Variants in ZBTB25 observed in about 807,000 individuals in gnomAD.
ZBTB25 encodes the protein zinc finger and BTB domain containing 25, also known as zinc finger and BTB domain-containing protein 25.
Under a neutral mutation model 34.2 loss-of-function variants are expected in ZBTB25, and 20 were observed. The ratio of observed to expected loss-of-function variants is 0.58; its 90% CI spans 0.41 to 0.85. ZBTB25 has a LOEUF of 0.85. ZBTB25 is among the 40% of genes least tolerant of loss of function. The pLI, the probability that ZBTB25 is intolerant of heterozygous loss-of-function variation, is 0.00. For synonymous variants in ZBTB25, 175 were observed against 186.4 expected (o/e 0.94, Z 0.50); for missense variants, 437 against 521.8 (o/e 0.84, Z 1.58).
intron 2 of ZBTB25, chr14:64,459,721 GCTTA>G: frequency 5.7e-6 from 6 of 1,059,736 alleles, no homozygotes; most frequent in Non-Finnish European, 7.8e-6. Flanking sequence ...TTCAGTGCTT[GCTTA>G]GAGAAAACAT....
Position 64,503,737 on chromosome 14 carries a change from G to A in ZBTB25, c.-84C>T, listed in dbSNP as rs1030636678. 1.9e-5 allele frequency: 9 copies of A among 469,496 alleles called. No homozygotes were observed. In the Admixed American group the frequency reaches 4.5e-4, roughly 23 times the overall value. 29.1% of individuals were successfully genotyped at this position (469,496 alleles called of 1,614,324 possible). ...TCCCAAGCCGCGCACTGCAAGCAGT[G>A]GCGCCGGCTCACGCACCCCTCGGCC... On this transcript the variant is annotated 5_prime_UTR_variant, in exon 1 of 3. Coordinates refer to ENST00000608382, the MANE Select transcript of ZBTB25 (RefSeq NM_006977.5).
intron 2 of ZBTB25, chr14:64,459,743 T>G: frequency 2.6e-6 from 4 of 1,528,364 alleles, no homozygotes; most frequent in Non-Finnish European, 3.5e-6. Context: ...CATTTATTTC[T>G]TGTTTTTCCT....
In ZBTB25 at chr14:64,486,233, C is replaced by T. The variant is rs1482170925; in HGVS notation, c.*690G>A. The T allele has an allele frequency of 4.4e-6, 4 of 901,266 alleles. No homozygotes were observed. Among genetic ancestry groups the T allele is most frequent in the Non-Finnish European group, 5.3e-6 (4 of 753,766 alleles). 55.8% of individuals were successfully genotyped at this position (901,266 alleles called of 1,614,324 possible). A position where few individuals can be genotyped will look rare whatever the true frequency, so the allele number is the denominator to read the frequency against. Reference sequence around the variant, plus strand: ...AGGAGAATGGCGTGAACCCGGGAGGCGGAGCTTGCAGTCAGCCGAGATCGC... The same window carrying T: ...AGGAGAATGGCGTGAACCCGGGAGGTGGAGCTTGCAGTCAGCCGAGATCGC... On this transcript the variant is annotated 3_prime_UTR_variant, in exon 3 of 3. Transcript: ENST00000608382.
intron 2 of ZBTB25, chr14:64,469,164 A>G: frequency 3.7e-6 from 6 of 1,614,146 alleles, no homozygotes; most frequent in Non-Finnish European, 5.1e-6. Context: ...GAAACAGACC[A>G]TCAGCAGCCA....
At position 64,490,546 on chromosome 14, in the gene ZBTB25, A is replaced by G; in HGVS notation, c.-7-6T>C. 3 of 1,606,300 alleles carry G rather than the reference A, an allele frequency of 1.9e-6. No homozygotes were observed. The highest frequency in any genetic ancestry group is 2.6e-6 in the Non-Finnish European group (3 of 1,175,746). ...TGGCAGTGTCCATTGTGGTTCTGAA[A>G]AAAAGGACAAGATAAATGTAGATAG... On this transcript the variant is annotated splice_polypyrimidine_tract_variant and splice_region_variant and intron_variant, in intron 1 of 2. Coordinates refer to ENST00000608382, the MANE Select transcript of ZBTB25 (RefSeq NM_006977.5).
intron 2 of ZBTB25, among the ~76,000 whole-genome samples, 152 bp downstream of exon 2, chr14:64,490,208 CA>C (rs61367816): frequency 2.2e-3 from 196 of 90,830 alleles, no homozygotes; most frequent in Middle Eastern, 6.8e-3. Flanking sequence ...ACTCTGTCGC[CA>C]AAAAAAAAAA....
chr14:64,466,557 T>C (rs917782696), intron 2 of ZBTB25, among the ~76,000 whole-genome samples: 2 of 152,090 alleles, frequency 1.3e-5, no homozygotes, highest in African/African-American at 4.8e-5. Flanking sequence ...ACTGAAACAT[T>C]GTGAGGAGAA....
At chr14:64,457,050 G>C (rs959744079) in intron 2 of ZBTB25, among the ~76,000 whole-genome samples, 2 of 152,112 alleles carry the variant, frequency 1.3e-5, no homozygotes, top group African/African-American at 4.8e-5. Flanking sequence ...AAAGTAGTGA[G>C]TACAAATATA....
chr14:64,485,081 A>G lies in ZBTB25; in HGVS notation c.*1842T>C. 1.0e-6 allele frequency: 1 copy of G among 985,464 alleles called. No individual in the cohort carries two copies. The highest frequency in any genetic ancestry group is 4.7e-5 in the South Asian group (1 of 21,290). 61.0% of individuals were successfully genotyped at this position (985,464 alleles called of 1,614,324 possible). On this transcript the variant is annotated 3_prime_UTR_variant, in exon 3 of 3. Transcript: ENST00000608382. Reference sequence around the variant, plus strand: ...TAAGGCAGAAACTCAACTGCCTTACACAATATCCAGTAGCTTTCTTCATTC... The same window carrying G: ...TAAGGCAGAAACTCAACTGCCTTACGCAATATCCAGTAGCTTTCTTCATTC...
chr14:64,462,757 A>C (rs2078567931), intron 2 of ZBTB25: 1 of 152,220 alleles, frequency 6.6e-6, no homozygotes, highest in African/African-American at 2.4e-5. Flanking sequence ...GGCTCTGTGC[A>C]ACCCTCATGG....
At chr14:64,476,743 A>G (rs1872448426), downstream of ZBTB25, among the ~76,000 whole-genome samples, 1 of 152,180 alleles carries the variant, frequency 6.6e-6, no homozygotes. Context: ...GGTAAAAAAA[A>G]AAGTCAAACT....
downstream of ZBTB25, among the ~76,000 whole-genome samples, chr14:64,476,382 G>C (rs1163403407): frequency 6.6e-5 from 10 of 152,256 alleles, no homozygotes; most frequent in African/African-American, 2.4e-4. Flanking sequence ...CCGGAGTGCA[G>C]TGGAGTGATC....
chr14:64,468,717 C>G (rs2078637088), intron 2 of ZBTB25: 1 of 1,613,986 alleles, frequency 6.2e-7, no homozygotes, highest in African/African-American at 1.3e-5. Flanking sequence ...ATGCAACCTG[C>G]AATAAATGCT....
At chr14:64,503,959 C>G (rs2079588974), upstream of ZBTB25, 1 of 152,128 alleles carries the variant, frequency 6.6e-6, no homozygotes, top group African/African-American at 2.4e-5. Context: ...CCACAGTTCG[C>G]AGTTGTGACT....
In ZBTB25 at chr14:64,486,450, T is replaced by G. The variant is rs961671064; in HGVS notation, c.*473A>C. 5.2e-6 allele frequency: 5 copies of G among 961,336 alleles called. No homozygotes were observed. In the African/African-American group the frequency reaches 8.8e-5, roughly 17 times the overall value. The allele number at this position is 961,336 out of a possible 1,614,324, so 59.6% of individuals were successfully genotyped here. On this transcript the variant is annotated 3_prime_UTR_variant, in exon 3 of 3. Coordinates refer to ENST00000608382, the MANE Select transcript of ZBTB25 (RefSeq NM_006977.5). ...TATACATTATAACATATGTATAACATACAGTTATGCATTAAAGTAACTATT... is the reference window on the plus strand; with the variant it reads ...TATACATTATAACATATGTATAACAGACAGTTATGCATTAAAGTAACTATT...
chr14:64,485,438 G>C lies in ZBTB25; in HGVS notation c.*1485C>G, dbSNP rs1377010770. On this transcript the variant is annotated 3_prime_UTR_variant, in exon 3 of 3. Transcript: ENST00000608382. Reference sequence around the variant, plus strand: ...ATTTAAACATTTCAGAAACAATTTAGATCTATCCTTTGTGGTGAAGCTTAA... The same window carrying C: ...ATTTAAACATTTCAGAAACAATTTACATCTATCCTTTGTGGTGAAGCTTAA... The C allele has an allele frequency of 6.1e-6, 6 of 985,248 alleles. No individual in the cohort carries two copies. The highest frequency in any genetic ancestry group is 7.2e-6 in the Non-Finnish European group (6 of 829,904). The allele number at this position is 985,248 out of a possible 1,614,324, so 61.0% of individuals were successfully genotyped here. A position where few individuals can be genotyped will look rare whatever the true frequency, so the allele number is the denominator to read the frequency against.
intron 2 of ZBTB25, chr14:64,468,819 C>G: frequency 6.2e-7 from 1 of 1,614,124 alleles, no homozygotes; most frequent in East Asian, 2.2e-5. Context: ...AGTAATCATT[C>G]CAAAATTATA....
At position 64,464,198 on chromosome 14, in the gene ZBTB25, C is replaced by A. The variant is rs750863355; in HGVS notation, c.174-14560G>T. On this transcript the variant is annotated intron_variant, in intron 2 of 2. Transcript: ENST00000555220. ...CTGGGACCATACGTGCACCACCATG[C>A]CCAGCTAATTTTTTAGATTTTTTTG... Among the ~76,000 whole-genome samples the A allele has an allele frequency of 2.0e-5, 3 of 149,336 alleles. No individual in the cohort carries two copies. The East Asian group carries it at 5.8e-4, about 29-fold the overall frequency.
In ZBTB25 at chr14:64,449,589, AC is replaced by A. The variant is rs1346745606; in HGVS notation, c.222del (p.Cys75AlafsTer9). Reference sequence around the variant, plus strand: ...AGGCCGTCCAGAGAGCAGCACAAGCACCCAGCAGCTTCCAGCTCCTTTATGA... The same window carrying A: ...AGGCCGTCCAGAGAGCAGCACAAGCACCAGCAGCTTCCAGCTCCTTTATGA... On this transcript the variant is annotated frameshift_variant, in exon 3 of 3. Transcript: ENST00000555220. LOFTEE classifies it high-confidence loss of function. 1 of 1,614,186 alleles carries A rather than the reference AC, an allele frequency of 6.2e-7. No individual in the cohort carries two copies. Among genetic ancestry groups the A allele is most frequent in the South Asian group, 1.1e-5 (1 of 91,084 alleles).
Sources: allele counts gnomAD v4.1 joint callset (sites outside exome capture counted in the v4.1 genomes callset), GRCh38; gene constraint gnomAD v4.1.1; transcripts MANE v1.5; gene names NCBI Gene and HGNC (gene_info 2026-07-23, HGNC 2026-07-21).